Variants in PSMD1 observed in about 807,000 individuals in gnomAD.
PSMD1 encodes proteasome 26S subunit, non-ATPase 1.
In PSMD1, 18 loss-of-function variants were observed where a neutral mutation model predicts 119.0. That is an observed-to-expected ratio of 0.15 (90% CI 0.10 to 0.22). The LOEUF is 0.22. Among genes scored for constraint, PSMD1 ranks in the 10% least tolerant of loss-of-function variants. The pLI is 1.00. For missense variants in PSMD1, 702 were observed against 1,158.5 expected, an observed-to-expected ratio of 0.61 and a Z score of 5.72; for synonymous variants, 374 against 396.6, an observed-to-expected ratio of 0.94 and a Z score of 0.68.
At chr2:231,119,068 C>T (rs941018122) in intron 16 of PSMD1, among the ~76,000 whole-genome samples, 1 of 152,064 alleles carries the variant, frequency 6.6e-6, no homozygotes, top group African/African-American at 2.4e-5. Flanking sequence ...TATGAGTTAT[C>T]CTGGGGTTCA....
chr2:231,058,970 G>C (rs983110037), intron 1 of PSMD1, among the ~76,000 whole-genome samples: 4 of 150,292 alleles, frequency 2.7e-5, no homozygotes, highest in South Asian at 2.1e-4. Context: ...CTCTCTCTCT[G>C]GTAGAATTTT....
In PSMD1 at chr2:231,161,444, C is replaced by T; in HGVS notation, c.2323C>T (p.Leu775Phe). ...VFTQFWFWFP[L>F]SHFLSLAYTP... ...TACCCAGTTTTGGTTCTGGTTTCCT[C>T]TTTCACACTTCCTGTCATTGGCTTA... The change falls in exon 20 of 25, where the codon CTT becomes TTT. Residue 775 changes from leucine to phenylalanine, a missense_variant. Leu to Phe is a conservative substitution (Grantham distance 22, BLOSUM62 0). Coordinates refer to ENST00000308696, the MANE Select transcript of PSMD1 (RefSeq NM_002807.4). 1 of 1,614,090 alleles carries T rather than the reference C, an allele frequency of 6.2e-7. No homozygotes were observed. The highest frequency in any genetic ancestry group is 8.5e-7 in the Non-Finnish European group (1 of 1,180,004).
At chr2:231,107,263 T>A (rs1377941207) in intron 16 of PSMD1, among the ~76,000 whole-genome samples, 1 of 152,210 alleles carries the variant, frequency 6.6e-6, no homozygotes, top group Non-Finnish European at 1.5e-5. Context: ...CCTTGTTCAC[T>A]TATACACTGA....
chr2:231,145,305 G>C (rs1030481941), intron 17 of PSMD1, among the ~76,000 whole-genome samples: 1 of 152,132 alleles, frequency 6.6e-6, no homozygotes, highest in African/African-American at 2.4e-5. Flanking sequence ...TACTGACTAG[G>C]CAGTTATGGT....
At chr2:231,139,778 C>T (rs1228676152) in intron 17 of PSMD1, among the ~76,000 whole-genome samples, 1 of 152,060 alleles carries the variant, frequency 6.6e-6, no homozygotes, top group African/African-American at 2.4e-5. Context: ...CCTGTTTTCT[C>T]ATATCTAACC....
At chr2:231,121,593 G>C (rs1695546199) in intron 16 of PSMD1, among the ~76,000 whole-genome samples, 1 of 152,056 alleles carries the variant, frequency 6.6e-6, no homozygotes, top group African/African-American at 2.4e-5. Flanking sequence ...TTTTTCTATA[G>C]AATACATGGA....
At chr2:231,109,418 G>A in intron 16 of PSMD1, 1 of 1,612,632 alleles carries the variant, frequency 6.2e-7, no homozygotes, top group Non-Finnish European at 8.5e-7. Flanking sequence ...GCCTAAGGAA[G>A]AGGAAAACAA....
At position 231,108,575 on chromosome 2, in the gene PSMD1, G is replaced by T. The variant is rs150480687; in HGVS notation, c.1883+21394G>T. On this transcript the variant is annotated intron_variant, in intron 16 of 24. Transcript: ENST00000308696. ...ACCTTCATTTTCAGTGAGGAGAAGCGTATCTAGTAGAATGATTGATGAAGA... is the reference window on the plus strand; with the variant it reads ...ACCTTCATTTTCAGTGAGGAGAAGCTTATCTAGTAGAATGATTGATGAAGA... The T allele has an allele frequency of 1.2e-6, 2 of 1,613,798 alleles. No individual in the cohort carries two copies. The highest frequency in any genetic ancestry group is 2.2e-5 in the South Asian group (2 of 91,072).
chr2:231,066,725 A>T (rs550869743), intron 4 of PSMD1, among the ~76,000 whole-genome samples, 181 bp from the exon 5 acceptor site: 3 of 152,206 alleles, frequency 2.0e-5, no homozygotes, highest in Non-Finnish European at 4.4e-5. Context: ...ATTAATGTGT[A>T]GTTCTCCGGT....
intron 16 of PSMD1, among the ~76,000 whole-genome samples, chr2:231,126,456 A>G (rs1695723333): frequency 6.6e-6 from 1 of 152,056 alleles, no homozygotes; most frequent in Admixed American, 6.6e-5. Context: ...TAAAAAAAAA[A>G]GAGGAAAAGA....
At chr2:231,140,530 TGTACAAA>T in intron 17 of PSMD1, among the ~76,000 whole-genome samples, 1 of 148,608 alleles carries the variant, frequency 6.7e-6, no homozygotes, top group East Asian at 2.0e-4. Context: ...GTTGGTATTG[TGTACAAA>T]TAAGTTTTTC....
intron 17 of PSMD1, among the ~76,000 whole-genome samples, chr2:231,143,441 G>A (rs13390070): frequency 0.01 from 1,551 of 152,282 alleles, 31 homozygotes; most frequent in African/African-American, 0.035. Flanking sequence ...TGTTGGTCAG[G>A]CTGGTCTCGG....
intron 17 of PSMD1, among the ~76,000 whole-genome samples, chr2:231,140,495 C>CAAAAA (rs766658246): frequency 4.1e-5 from 2 of 48,476 alleles, no homozygotes; most frequent in African/African-American, 1.3e-4. Context: ...GACTCCATCT[C>CAAAAA]AAAAAAAAAA....
chr2:231,101,817 G>A (rs146891067), intron 16 of PSMD1, among the ~76,000 whole-genome samples: 3 of 152,252 alleles, frequency 2.0e-5, no homozygotes, highest in Non-Finnish European at 4.4e-5. Flanking sequence ...TATAAAGGTT[G>A]TTGGGTTGTT....
chr2:231,075,533 A>G lies in PSMD1; in HGVS notation c.904A>G (p.Lys302Glu), dbSNP rs1389332988. 1.9e-6 allele frequency: 3 copies of G among 1,612,632 alleles called. No homozygotes were observed. Among genetic ancestry groups the G allele is most frequent in the Non-Finnish European group, 2.5e-6 (3 of 1,179,500 alleles). ...CAGTGACTCGATGGAAACAGAAGAA[A>G]AGACAAGCAGTGCATTTGTAGGAAA... ...KDSDSMETEE[K>E]TSSAFVGKTP... Residue 302 changes from lysine to glutamate, a missense_variant, in exon 8 of 25, where the codon AAG (lysine) becomes GAG (glutamate). Lys to Glu is a moderately conservative substitution (Grantham distance 56). Transcript: ENST00000308696.
chr2:231,141,421 C>CT (rs34818750), intron 17 of PSMD1, among the ~76,000 whole-genome samples: 5,436 of 104,218 alleles, frequency 0.052, 237 homozygotes, highest in African/African-American at 0.14. Flanking sequence ...CCCTGCTATA[C>CT]TTTTTTTTTT....
intron 16 of PSMD1, chr2:231,123,686 T>C: frequency 6.2e-7 from 1 of 1,614,104 alleles, no homozygotes; most frequent in South Asian, 1.1e-5. Context: ...TTAGAAGAGA[T>C]AACGTGAACA....
intron 15 of PSMD1, among the ~76,000 whole-genome samples, chr2:231,086,391 G>A (rs552013062): frequency 7.9e-5 from 12 of 152,180 alleles, no homozygotes; most frequent in African/African-American, 1.2e-4. Context: ...GCATGGTGGC[G>A]TACACCAGTA....
At chr2:231,159,579 T>C (rs1251351385) in intron 19 of PSMD1, among the ~76,000 whole-genome samples, 1 of 152,236 alleles carries the variant, frequency 6.6e-6, no homozygotes, top group East Asian at 1.9e-4. Context: ...TTATTCCTTA[T>C]TTGTTTACTT....
Sources: allele counts gnomAD v4.1 joint callset (sites outside exome capture counted in the v4.1 genomes callset), GRCh38; gene constraint gnomAD v4.1.1; transcripts MANE v1.5; gene names NCBI Gene and HGNC (gene_info 2026-07-23, HGNC 2026-07-21).